EEFSEC: variants seen among roughly 807,000 people sequenced by gnomAD.
EEFSEC encodes the protein selenocysteine-specific elongation factor.
EEFSEC carries 43 observed loss-of-function variants against 42.1 expected under a neutral mutation model. The ratio of observed to expected loss-of-function variants is 1.02; its 90% confidence interval spans 0.80 to 1.32. The LOEUF (loss-of-function observed/expected upper bound fraction) is 1.32, where lower values mean the gene tolerates loss of function less well. EEFSEC is among the 40% of genes most tolerant of loss of function. The pLI, the probability that EEFSEC is intolerant of heterozygous loss-of-function variation, is 0.00. For synonymous variants in EEFSEC, 354 were observed against 339.1 expected (o/e 1.04, Z -0.48); for missense variants, 745 against 803.6 (o/e 0.93, Z 0.88).
chr3:128,210,590 G>A (rs2065746120), intron 1 of EEFSEC, among the ~76,000 whole-genome samples: 1 of 152,210 alleles, frequency 6.6e-6, no homozygotes, highest in Non-Finnish European at 1.5e-5. Context: ...CTGTGGCACA[G>A]GGCAGAGCCC....
chr3:128,385,188 C>T (rs2107618076), intron 6 of EEFSEC, among the ~76,000 whole-genome samples: 1 of 152,340 alleles, frequency 6.6e-6, no homozygotes, highest in East Asian at 1.9e-4. Context: ...TCCAGGCTCT[C>T]CAGAGCAGTC....
intron 5 of EEFSEC, among the ~76,000 whole-genome samples, chr3:128,352,576 G>C (rs1250294400): frequency 6.6e-6 from 1 of 152,216 alleles, no homozygotes; most frequent in African/African-American, 2.4e-5. Context: ...CTTAGAGGGG[G>C]CCTTCCATTA....
intron 4 of EEFSEC, among the ~76,000 whole-genome samples, chr3:128,285,048 G>T (rs1382744443): frequency 6.6e-6 from 1 of 152,120 alleles, no homozygotes; most frequent in Non-Finnish European, 1.5e-5. Flanking sequence ...AAGCTGGCTG[G>T]GTCCAGGTGA....
chr3:128,420,364 C>T, the EEFSEC span, among the ~76,000 whole-genome samples: 118 of 152,370 alleles, frequency 7.7e-4, no homozygotes, highest in Middle Eastern at 3.4e-3. Flanking sequence ...CATGTGAGAA[C>T]GGTCCCTGCT....
chr3:128,217,341 C>CA (rs2065820505), intron 1 of EEFSEC, among the ~76,000 whole-genome samples: 1 of 152,088 alleles, frequency 6.6e-6, no homozygotes. Context: ...AGCCCTGGTT[C>CA]AGTGTCACCC....
intron 4 of EEFSEC, among the ~76,000 whole-genome samples, chr3:128,326,903 G>A (rs2067069671): frequency 6.6e-6 from 1 of 152,108 alleles, no homozygotes; most frequent in African/African-American, 2.4e-5. Context: ...AATTCTTTTG[G>A]GTTTAACCTT....
At chr3:128,156,059 A>G (rs954793643) in intron 1 of EEFSEC, among the ~76,000 whole-genome samples, 2 of 152,240 alleles carry the variant, frequency 1.3e-5, no homozygotes, top group Non-Finnish European at 2.9e-5. Flanking sequence ...AGGTTAAAAA[A>G]TGAGATGGCG....
chr3:128,420,146 CAGAG>C, the EEFSEC span, among the ~76,000 whole-genome samples: 149 of 152,286 alleles, frequency 9.8e-4, no homozygotes, highest in Non-Finnish European at 1.8e-3. Context: ...AGAAAACAGA[CAGAG>C]AGTCAGAGAG....
intron 1 of EEFSEC, among the ~76,000 whole-genome samples, chr3:128,237,440 A>G (rs1422654049): frequency 1.3e-5 from 2 of 152,202 alleles, no homozygotes; most frequent in African/African-American, 2.4e-5. Flanking sequence ...TGTCATGTGT[A>G]TGGTAGACAT....
chr3:128,334,824 G>A (rs2067172177), intron 4 of EEFSEC, among the ~76,000 whole-genome samples: 2 of 152,210 alleles, frequency 1.3e-5, no homozygotes, highest in Admixed American at 1.3e-4. Flanking sequence ...GGGGAGCTAG[G>A]CTCAGGGGAC....
chr3:128,253,239 C>T (rs993483209), intron 2 of EEFSEC, among the ~76,000 whole-genome samples: 7 of 152,234 alleles, frequency 4.6e-5, no homozygotes, highest in African/African-American at 1.7e-4. Context: ...GTTCCTACAA[C>T]TCTGTGTCCC....
At chr3:128,254,542 G>C (rs563458090) in intron 2 of EEFSEC, among the ~76,000 whole-genome samples, 1 of 152,332 alleles carries the variant, frequency 6.6e-6, no homozygotes, top group East Asian at 1.9e-4. Flanking sequence ...ATGGAAATTA[G>C]TCCTAGGTTT....
chr3:128,358,063 G>A (rs1024117350), intron 5 of EEFSEC, among the ~76,000 whole-genome samples, 154 bp from the exon 6 acceptor site: 3 of 152,154 alleles, frequency 2.0e-5, no homozygotes, highest in Non-Finnish European at 2.9e-5. Context: ...TATCTGTTAG[G>A]TGGGCTCATC....
chr3:128,297,293 C>T (rs2066717175), intron 4 of EEFSEC, among the ~76,000 whole-genome samples: 2 of 152,142 alleles, frequency 1.3e-5, no homozygotes, highest in Admixed American at 6.5e-5. Flanking sequence ...TATGCTTACC[C>T]TTCTCTTGAT....
chr3:128,197,695 T>C (rs1224969587), intron 1 of EEFSEC, among the ~76,000 whole-genome samples: 1 of 152,212 alleles, frequency 6.6e-6, no homozygotes, highest in African/African-American at 2.4e-5. Context: ...CTGGCCTCTT[T>C]CTTTCAAGCC....
chr3:128,160,507 G>A (rs757619311), intron 1 of EEFSEC, among the ~76,000 whole-genome samples: 2 of 152,196 alleles, frequency 1.3e-5, no homozygotes, highest in Non-Finnish European at 2.9e-5. Flanking sequence ...TGTTAAAGCA[G>A]GTGTGTGATA....
At chr3:128,353,619 C>T (rs571685249) in intron 5 of EEFSEC, among the ~76,000 whole-genome samples, 8 of 152,344 alleles carry the variant, frequency 5.3e-5, no homozygotes, top group African/African-American at 1.9e-4. Context: ...TCCAGTCAGT[C>T]ATGACATGGC....
At chr3:128,322,426 A>G (rs1007622910) in intron 4 of EEFSEC, among the ~76,000 whole-genome samples, 16 of 152,216 alleles carry the variant, frequency 1.1e-4, no homozygotes, top group African/African-American at 3.6e-4. Context: ...GGTCATCACA[A>G]TTGTCACCAA....
chr3:128,205,650 A>G (rs186580745), intron 1 of EEFSEC, among the ~76,000 whole-genome samples: 1 of 152,314 alleles, frequency 6.6e-6, no homozygotes, highest in East Asian at 1.9e-4. Flanking sequence ...ACATTTACTA[A>G]TGCCTGAGCA....
Sources: allele counts gnomAD v4.1 joint callset (sites outside exome capture counted in the v4.1 genomes callset), GRCh38; gene constraint gnomAD v4.1.1; transcripts MANE v1.5; gene names NCBI Gene and HGNC (gene_info 2026-07-23, HGNC 2026-07-21).